ARHGEF7: variants seen among roughly 807,000 people sequenced by gnomAD.
ARHGEF7 encodes the protein PAK-interacting exchange factor beta.
Under a neutral mutation model 109.8 loss-of-function variants are expected in ARHGEF7, and 33 were observed. The observed-to-expected ratio is 0.30, with a 90% CI of 0.23 to 0.40. The LOEUF is 0.40. ARHGEF7 is among the 10% of genes least tolerant of loss of function. The pLI is 1.00. For missense variants in ARHGEF7, 938 were observed against 1,098.5 expected (o/e 0.85, Z 2.07); for synonymous variants, 458 against 424.6 (o/e 1.08, Z -0.97).
intron 2 of ARHGEF7, among the ~76,000 whole-genome samples, chr13:111,190,267 G>A (rs1204230732): frequency 6.6e-6 from 1 of 152,172 alleles, no homozygotes; most frequent in African/African-American, 2.4e-5. Context: ...CCTAGAAAGG[G>A]GAGAAGCCAT....
intron 8 of ARHGEF7, among the ~76,000 whole-genome samples, chr13:111,246,950 G>T (rs190123382): frequency 1.3e-5 from 2 of 152,332 alleles, no homozygotes; most frequent in East Asian, 1.9e-4. Context: ...AGGCAGTAAA[G>T]TAATCGCTTG....
At chr13:111,223,062 A>G (rs1318293174) in intron 5 of ARHGEF7, among the ~76,000 whole-genome samples, 2 of 152,194 alleles carry the variant, frequency 1.3e-5, no homozygotes, top group Admixed American at 6.5e-5. Flanking sequence ...ACACATAGGT[A>G]TGTATAGATG....
chr13:111,203,870 A>G (rs943015318), intron 2 of ARHGEF7, among the ~76,000 whole-genome samples: 1 of 152,230 alleles, frequency 6.6e-6, no homozygotes, highest in African/African-American at 2.4e-5. Flanking sequence ...GCTTCATTAC[A>G]GCAGCATGCG....
intron 19 of ARHGEF7, among the ~76,000 whole-genome samples, chr13:111,295,377 C>T (rs955046130): frequency 7.9e-5 from 12 of 152,208 alleles, no homozygotes; most frequent in African/African-American, 2.9e-4. Context: ...CTGGACAAGA[C>T]GAAGTCACTC....
intron 2 of ARHGEF7, among the ~76,000 whole-genome samples, chr13:111,173,326 A>G (rs1263278769): frequency 2.0e-5 from 3 of 152,090 alleles, no homozygotes; most frequent in Non-Finnish European, 4.4e-5. Flanking sequence ...TTGTCTTGAT[A>G]TTTTGCCCCC....
At position 111,153,888 on chromosome 13, in the gene ARHGEF7, T is replaced by C; in HGVS notation, c.166-17T>C. 1 of 1,592,984 alleles carries C rather than the reference T, an allele frequency of 6.3e-7. No individual in the cohort carries two copies. Among genetic ancestry groups the C allele is most frequent in the Non-Finnish European group, 8.5e-7 (1 of 1,172,202 alleles). ...GCTGCCGGCCACGGCGCTCAGCGCT[T>C]GTGCTCTGTATTGCAGGTCTACCCC... On this transcript the variant is annotated splice_polypyrimidine_tract_variant and intron_variant, in intron 1 of 21. Transcript: ENST00000646102.
rs957915318 is a variant in ARHGEF7, at chr13:111,303,275, G to A, written c.*162G>A. The A allele has an allele frequency of 1.4e-5, 9 of 636,940 alleles. No homozygotes were observed. Among genetic ancestry groups the A allele is most frequent in the East Asian group, 5.8e-5 (2 of 34,396 alleles). 39.5% of individuals were successfully genotyped at this position (636,940 alleles called of 1,614,324 possible). ...TGGAGCTTATTCTGCGAATGGAGAC[G>A]ATCAAACCATGACTGATGAATCCAG... is the stretch of plus-strand genomic sequence containing the variant. On this transcript the variant is annotated 3_prime_UTR_variant, in exon 22 of 22. Coordinates refer to ENST00000646102, the MANE Select transcript of ARHGEF7 (RefSeq NM_001354046.2).
At chr13:111,207,597 A>G (rs1566822885) in intron 3 of ARHGEF7, among the ~76,000 whole-genome samples, 1 of 152,248 alleles carries the variant, frequency 6.6e-6, no homozygotes, top group Non-Finnish European at 1.5e-5. Flanking sequence ...GGTTGCTCAC[A>G]GGAGCAGAAG....
intron 15 of ARHGEF7, 22 bp downstream of exon 15, chr13:111,280,699 T>C: frequency 6.6e-7 from 1 of 1,504,088 alleles, no homozygotes; most frequent in East Asian, 2.4e-5. Flanking sequence ...GTGCTTCTCC[T>C]CCTTCCAGAC....
intron 2 of ARHGEF7, among the ~76,000 whole-genome samples, chr13:111,170,388 G>T (rs186768680): frequency 6.6e-6 from 1 of 152,352 alleles, no homozygotes; most frequent in East Asian, 1.9e-4. Flanking sequence ...GTGAGCCACC[G>T]TGCCTGGCGC....
At chr13:111,162,525 G>A (rs549860701) in intron 2 of ARHGEF7, among the ~76,000 whole-genome samples, 1 of 152,316 alleles carries the variant, frequency 6.6e-6, no homozygotes, top group South Asian at 2.1e-4. Flanking sequence ...CTGCAAAGGT[G>A]AGAGGGCAGG....
At chr13:111,220,745 A>G in intron 5 of ARHGEF7, among the ~76,000 whole-genome samples, 1 of 152,064 alleles carries the variant, frequency 6.6e-6, no homozygotes, top group East Asian at 1.9e-4. Flanking sequence ...CATGGCTCTC[A>G]TGAGGAACAG....
intron 6 of ARHGEF7, among the ~76,000 whole-genome samples, chr13:111,240,651 C>T (rs2087606939): frequency 6.6e-6 from 1 of 152,138 alleles, no homozygotes; most frequent in Non-Finnish European, 1.5e-5. Context: ...TGTAAATAGA[C>T]TGGAATGGAG....
intron 2 of ARHGEF7, among the ~76,000 whole-genome samples, chr13:111,175,504 C>G (rs1286243045): frequency 1.3e-5 from 2 of 152,132 alleles, no homozygotes; most frequent in African/African-American, 4.8e-5. Flanking sequence ...GGCAAAGGCT[C>G]TGAGATGGAA....
At chr13:111,259,158 C>G (rs1159867975) in intron 8 of ARHGEF7, among the ~76,000 whole-genome samples, 1 of 152,328 alleles carries the variant, frequency 6.6e-6, no homozygotes, top group South Asian at 2.1e-4. Flanking sequence ...AAGGAGAACT[C>G]ACCGTCCTGA....
intron 16 of ARHGEF7, among the ~76,000 whole-genome samples, chr13:111,285,870 C>T (rs531576703): frequency 1.3e-5 from 2 of 151,734 alleles, no homozygotes; most frequent in Non-Finnish European, 2.9e-5. Context: ...GGTGACACCT[C>T]TCATCACAGG....
In ARHGEF7 at chr13:111,196,379, C is replaced by T. The variant is rs192647676; in HGVS notation, c.253-8910C>T. Among the ~76,000 whole-genome samples the T allele has an allele frequency of 9.2e-5, 14 of 152,312 alleles. No individual in the cohort carries two copies. In the East Asian group the frequency reaches 1.2e-3, roughly 13 times the overall value. On this transcript the variant is annotated intron_variant, in intron 2 of 21. Coordinates refer to ENST00000646102, the MANE Select transcript of ARHGEF7 (RefSeq NM_001354046.2). ...AAGATACCAGGTATCACCAAACTCT[C>T]GGGCTGCAGCTAAAGCTGCATTCTT...
At chr13:111,233,321 T>C in intron 6 of ARHGEF7, 28 bp downstream of exon 6, 3 of 1,580,466 alleles carry the variant, frequency 1.9e-6, no homozygotes, top group Non-Finnish European at 2.6e-6. Context: ...ATTTTTAAAC[T>C]AACTGGTTTT....
chr13:111,153,729 G>A (rs1179480804), intron 1 of ARHGEF7, 176 bp from the exon 2 acceptor site: 2 of 1,335,012 alleles, frequency 1.5e-6, no homozygotes, highest in South Asian at 1.9e-5. Flanking sequence ...AGGGTGAGGA[G>A]AAGCAGCGGC....
Sources: allele counts gnomAD v4.1 joint callset (sites outside exome capture counted in the v4.1 genomes callset), GRCh38; gene constraint gnomAD v4.1.1; transcripts MANE v1.5; gene names NCBI Gene and HGNC (gene_info 2026-07-23, HGNC 2026-07-21).